MPHOSPH9: variants seen among roughly 807,000 people sequenced by gnomAD.
MPHOSPH9 encodes the protein M-phase phosphoprotein 9.
A neutral mutation model predicts 145.5 loss-of-function variants in MPHOSPH9; 88 were observed. That is an observed-to-expected ratio of 0.60 (90% CI 0.51 to 0.72). MPHOSPH9 has a LOEUF of 0.72. Ranked by LOEUF, MPHOSPH9 falls within the 30% of genes least tolerant of loss-of-function variation. The pLI, the probability that MPHOSPH9 is intolerant of heterozygous loss-of-function variation, is 0.00. For missense variants in MPHOSPH9, 1,238 were observed against 1,386.6 expected (o/e 0.89, Z 1.70); for synonymous variants, 435 against 486.2 (o/e 0.89, Z 1.39).
intron 3 of MPHOSPH9, among the ~76,000 whole-genome samples, chr12:123,224,859 A>C (rs56104963): frequency 0.018 from 2,687 of 152,302 alleles, 37 homozygotes; most frequent in Non-Finnish European, 0.028. Flanking sequence ...GCTGTACACA[A>C]TACCTGGATC....
intron 7 of MPHOSPH9, among the ~76,000 whole-genome samples, chr12:123,212,370 G>C (rs2046766068): frequency 6.6e-6 from 1 of 152,070 alleles, no homozygotes; most frequent in African/African-American, 2.4e-5. Context: ...CATTTGAGCA[G>C]ACAATCTCCC....
intron 1 of MPHOSPH9, among the ~76,000 whole-genome samples, chr12:123,242,846 G>A (rs779665150): frequency 1.3e-5 from 2 of 152,180 alleles, no homozygotes; most frequent in Non-Finnish European, 1.5e-5. Context: ...TGCCAGCGCT[G>A]TCCTGCCTGG....
At chr12:123,206,186 C>G (rs1446945534) in intron 8 of MPHOSPH9, among the ~76,000 whole-genome samples, 1 of 152,028 alleles carries the variant, frequency 6.6e-6, no homozygotes. Flanking sequence ...TAGTGGTTCA[C>G]ATTTGTAATC....
intron 16 of MPHOSPH9, among the ~76,000 whole-genome samples, chr12:123,173,742 C>G (rs982294410): frequency 1.3e-5 from 2 of 152,240 alleles, no homozygotes; most frequent in Non-Finnish European, 2.9e-5. Flanking sequence ...GAAAGAAACT[C>G]CTGTGCTGGA....
At chr12:123,228,963 T>A (rs1593252425) in intron 2 of MPHOSPH9, among the ~76,000 whole-genome samples, 1 of 152,200 alleles carries the variant, frequency 6.6e-6, no homozygotes, top group African/African-American at 2.4e-5. Flanking sequence ...GCATACAGAT[T>A]ACTGTAGGAC....
chr12:123,239,769 A>T (rs1252746617), intron 1 of MPHOSPH9, among the ~76,000 whole-genome samples: 1 of 151,600 alleles, frequency 6.6e-6, no homozygotes, highest in Non-Finnish European at 1.5e-5. Context: ...GACATTTTTT[A>T]TTTTTTTTTC....
intron 6 of MPHOSPH9, among the ~76,000 whole-genome samples, chr12:123,215,179 T>G (rs1037305694): frequency 6.6e-6 from 1 of 151,794 alleles, no homozygotes; most frequent in African/African-American, 2.4e-5. Flanking sequence ...GAGGCAGAGG[T>G]TGCAGTAAGC....
chr12:123,227,579 A>G lies in MPHOSPH9; in HGVS notation c.142T>C (p.Phe48Leu). The G allele has an allele frequency of 6.5e-7, 1 of 1,532,496 alleles. No individual in the cohort carries two copies. Among genetic ancestry groups the G allele is most frequent in the Admixed American group, 2.0e-5 (1 of 50,500 alleles). 94.9% of individuals were successfully genotyped at this position (1,532,496 alleles called of 1,614,324 possible). ...ACAGATGGTCTGGTCTTCCCTGAGAAAGAGGATACCCCATTTGTACTAAGG... is the reference window on the plus strand; with the variant it reads ...ACAGATGGTCTGGTCTTCCCTGAGAGAGAGGATACCCCATTTGTACTAAGG... ...PHLSTNGVSS[F>L]SGKTRPSVIQ... The change falls in exon 3 of 24, where the codon TTC becomes CTC. Residue 48 changes from phenylalanine (F) to leucine (L), a missense_variant. This residue lies in a region of MPHOSPH9 where 837 missense variants were observed against 897.5 expected (regional missense o/e 0.93). Coordinates refer to ENST00000606320, the MANE Select transcript of MPHOSPH9 (RefSeq NM_022782.4).
chr12:123,166,511 C>T, intron 17 of MPHOSPH9, 144 bp downstream of exon 17: 1 of 915,964 alleles, frequency 1.1e-6, no homozygotes, highest in African/African-American at 1.6e-5. Context: ...AAAGTAGTAG[C>T]CTTTCAAAGT....
At chr12:123,217,842 G>A (rs1399717626) in intron 6 of MPHOSPH9, among the ~76,000 whole-genome samples, 3 of 151,802 alleles carry the variant, frequency 2.0e-5, no homozygotes, top group African/African-American at 4.8e-5. Context: ...TCAGGAGTTC[G>A]AGAGCAGCCT....
Position 123,160,861 on chromosome 12 carries a change from CG to C in MPHOSPH9, c.3382-13del. 1 of 1,611,284 alleles carries C rather than the reference CG, an allele frequency of 6.2e-7. No homozygotes were observed. Among genetic ancestry groups the C allele is most frequent in the Admixed American group, 1.7e-5 (1 of 59,612 alleles). On this transcript the variant is annotated splice_polypyrimidine_tract_variant and intron_variant, in intron 22 of 23. Transcript: ENST00000606320. ...AGTGCTGCCTCAATCTGTTAACACA[CG>C]AAAAAAATATGTTTAAATTACTGGC...
At position 123,193,108 on chromosome 12, in the gene MPHOSPH9, T is replaced by C. The variant is rs867559060; in HGVS notation, c.2241+1278A>G. Among the ~76,000 whole-genome samples, 692 of 94,840 alleles carry C rather than the reference T, an allele frequency of 7.3e-3. 31 individuals are homozygous for C. The highest frequency in any genetic ancestry group is 0.024 in the African/African-American group (571 of 23,790). 62.2% of individuals were successfully genotyped at this position (94,840 alleles called of 152,430 possible). ...AAAAAAAAAAAAAAATATATATATA[T>C]ACACACACACACACACACACACACA... On this transcript the variant is annotated intron_variant, in intron 13 of 23. Transcript: ENST00000606320.
chr12:123,160,602 G>A (rs1367179703), intron 23 of MPHOSPH9, 179 bp downstream of exon 23: 3 of 543,506 alleles, frequency 5.5e-6, no homozygotes, highest in Non-Finnish European at 9.7e-6. Flanking sequence ...ATTCCTGAAA[G>A]CTAGCTTGCA....
intron 9 of MPHOSPH9, 23 bp from the exon 10 acceptor site, chr12:123,203,107 G>A (rs761627456): frequency 6.2e-7 from 1 of 1,601,566 alleles, no homozygotes; most frequent in East Asian, 2.2e-5. Flanking sequence ...CAACAACGAA[G>A]TCTTACCCTC....
At chr12:123,190,563 T>C (rs550975644) in intron 13 of MPHOSPH9, among the ~76,000 whole-genome samples, 16 of 152,246 alleles carry the variant, frequency 1.1e-4, no homozygotes, top group African/African-American at 3.9e-4. Context: ...TTAAAATGAA[T>C]CAATAAAAGC....
chr12:123,210,970 G>GTT (rs2046677919), intron 7 of MPHOSPH9, among the ~76,000 whole-genome samples: 4 of 108,874 alleles, frequency 3.7e-5, no homozygotes, highest in Admixed American at 9.1e-5. Context: ...TTTTTGGTTT[G>GTT]TTTTTTCTTT....
chr12:123,187,204 T>C (rs2045482231), intron 13 of MPHOSPH9, among the ~76,000 whole-genome samples: 1 of 151,126 alleles, frequency 6.6e-6, no homozygotes, highest in Non-Finnish European at 1.5e-5. Context: ...GAGGCCGCAG[T>C]AGCCAAGATT....
chr12:123,218,527 C>CTTTTTTTTTTTTTTTTTT (rs751271366), intron 5 of MPHOSPH9, 28 bp from the exon 6 acceptor site: 1 of 762,962 alleles, frequency 1.3e-6, no homozygotes. Flanking sequence ...ACCAAAATTA[C>CTTTTTTTTTTTTTTTTTT]TTTTTTTTTT....
intron 3 of MPHOSPH9, chr12:123,226,391 A>T: frequency 1.1e-6 from 1 of 917,470 alleles, no homozygotes; most frequent in Non-Finnish European, 1.4e-6. Context: ...AAGTACAATT[A>T]ACGTTTAAAA....
Sources: allele counts gnomAD v4.1 joint callset (sites outside exome capture counted in the v4.1 genomes callset), GRCh38; gene constraint gnomAD v4.1.1; regional missense constraint gnomAD v4.1.1; transcripts MANE v1.5; gene names NCBI Gene and HGNC (gene_info 2026-07-23, HGNC 2026-07-21).